ARHGAP15: variants seen among roughly 807,000 people sequenced by gnomAD.
ARHGAP15 encodes the protein Rho GTPase activating protein 15, also known as rho GTPase-activating protein 15.
In ARHGAP15, 51 loss-of-function variants were observed where a neutral mutation model predicts 63.7. That is an observed-to-expected ratio of 0.80 (90% confidence interval 0.64 to 1.01). The LOEUF is 1.01. ARHGAP15 is among the 50% of genes least tolerant of loss of function. ARHGAP15 has a pLI of 0.00. For missense variants in ARHGAP15, 560 were observed against 564.6 expected (o/e 0.99, Z 0.08); for synonymous variants, 191 against 193.8 (o/e 0.99, Z 0.12).
chr2:143,312,083 A>C (rs1683474102), intron 6 of ARHGAP15, among the ~76,000 whole-genome samples: 1 of 152,176 alleles, frequency 6.6e-6, no homozygotes, highest in South Asian at 2.1e-4. Flanking sequence ...TGGAGGAAAC[A>C]AAACTAAGCT....
At chr2:143,755,285 G>A (rs1229723969) in intron 13 of ARHGAP15, among the ~76,000 whole-genome samples, 5 of 143,912 alleles carry the variant, frequency 3.5e-5, no homozygotes, top group Admixed American at 3.5e-4. Flanking sequence ...GGGGGGGGGG[G>A]ATCTATACCA....
At chr2:143,556,931 G>A (rs1329140017) in intron 11 of ARHGAP15, among the ~76,000 whole-genome samples, 1 of 151,992 alleles carries the variant, frequency 6.6e-6, no homozygotes, top group East Asian at 1.9e-4. Context: ...CCATCAAAGA[G>A]TTGTAAATTA....
chr2:143,170,756 G>T (rs1169031580), intron 2 of ARHGAP15, among the ~76,000 whole-genome samples: 2 of 152,030 alleles, frequency 1.3e-5, no homozygotes, highest in Non-Finnish European at 2.9e-5. Flanking sequence ...TCCTTTGATT[G>T]ATTCTGTAAT....
intron 2 of ARHGAP15, among the ~76,000 whole-genome samples, chr2:143,170,164 A>G (rs1342941612): frequency 6.6e-6 from 1 of 152,068 alleles, no homozygotes; most frequent in East Asian, 1.9e-4. Context: ...CTCTTATTCA[A>G]CCTGTTCTTG....
chr2:143,133,906 G>C (rs1442939272), intron 1 of ARHGAP15, among the ~76,000 whole-genome samples: 1 of 151,854 alleles, frequency 6.6e-6, no homozygotes, highest in Non-Finnish European at 1.5e-5. Context: ...TCTCCACTTT[G>C]CTTTTTTTCT....
At chr2:143,635,001 GA>G (rs2105260948) in intron 12 of ARHGAP15, among the ~76,000 whole-genome samples, 1 of 151,994 alleles carries the variant, frequency 6.6e-6, no homozygotes, top group Admixed American at 6.6e-5. Flanking sequence ...TCTCAGTTGG[GA>G]AATTTGTAAC....
rs534110834 is a variant in ARHGAP15, at chr2:143,308,633, C to T, written c.474+58033C>T. On this transcript the variant is annotated intron_variant, in intron 6 of 13. Transcript: ENST00000295095. ...GCAAGAATATGATAGAACAAGCATC[C>T]CTGGTAACCTGTCATGAAATGCTGG... Among the ~76,000 whole-genome samples, 3 of 151,964 alleles carry T rather than the reference C, an allele frequency of 2.0e-5. No individual in the cohort carries two copies. The South Asian group carries it at 6.2e-4, about 32-fold the overall frequency.
chr2:143,567,024 C>T (rs1054274327), intron 11 of ARHGAP15, among the ~76,000 whole-genome samples: 8 of 151,924 alleles, frequency 5.3e-5, no homozygotes, highest in East Asian at 3.9e-4. Flanking sequence ...TACAGGTGCC[C>T]GCCACCACGC....
intron 11 of ARHGAP15, among the ~76,000 whole-genome samples, chr2:143,600,521 C>T (rs1697725673): frequency 6.6e-6 from 1 of 152,102 alleles, no homozygotes; most frequent in African/African-American, 2.4e-5. Flanking sequence ...AGAATGGAGC[C>T]AACATTTAAT....
intron 11 of ARHGAP15, among the ~76,000 whole-genome samples, chr2:143,587,518 T>A (rs1181666321): frequency 6.6e-6 from 1 of 152,216 alleles, no homozygotes; most frequent in African/African-American, 2.4e-5. Flanking sequence ...CCACTGTGTT[T>A]CGGTCTTACT....
chr2:143,216,907 A>G (rs1162719122), intron 4 of ARHGAP15, among the ~76,000 whole-genome samples: 1 of 152,234 alleles, frequency 6.6e-6, no homozygotes, highest in African/African-American at 2.4e-5. Flanking sequence ...AAATTTGAAA[A>G]GGGAATAAGA....
chr2:143,156,859 T>A (rs975467877), intron 2 of ARHGAP15, among the ~76,000 whole-genome samples: 9 of 151,982 alleles, frequency 5.9e-5, no homozygotes, highest in Non-Finnish European at 1.2e-4. Context: ...AGCCTGACTT[T>A]GCTTTTAAAC....
intron 5 of ARHGAP15, chr2:143,236,219 A>G (rs1693638674): frequency 5.6e-6 from 2 of 355,318 alleles, no homozygotes; most frequent in Non-Finnish European, 1.0e-5. Context: ...AGTACTCACA[A>G]TATGGTAAAA....
At chr2:143,514,931 G>T (rs534337006) in intron 9 of ARHGAP15, among the ~76,000 whole-genome samples, 1 of 152,258 alleles carries the variant, frequency 6.6e-6, no homozygotes, top group African/African-American at 2.4e-5. Flanking sequence ...TCATTCCAAA[G>T]AAGACATTTG....
chr2:143,441,604 TG>T (rs952140804), intron 8 of ARHGAP15, among the ~76,000 whole-genome samples: 1 of 152,210 alleles, frequency 6.6e-6, no homozygotes, highest in African/African-American at 2.4e-5. Flanking sequence ...AAATAACTTT[TG>T]TATGTAGGTT....
chr2:143,513,425 T>C (rs1345670268), intron 9 of ARHGAP15, among the ~76,000 whole-genome samples: 1 of 152,214 alleles, frequency 6.6e-6, no homozygotes, highest in East Asian at 1.9e-4. Context: ...TTCCAGGTCT[T>C]ATCTCCACTT....
intron 6 of ARHGAP15, among the ~76,000 whole-genome samples, chr2:143,410,805 G>A (rs1352657564): frequency 7.6e-6 from 1 of 131,214 alleles, no homozygotes; most frequent in Non-Finnish European, 1.6e-5. Context: ...ATCTGAAGGA[G>A]GTGAAGGTTT....
chr2:143,297,509 TA>T (rs757885601), intron 6 of ARHGAP15, among the ~76,000 whole-genome samples: 1 of 151,972 alleles, frequency 6.6e-6, no homozygotes, highest in Non-Finnish European at 1.5e-5. Flanking sequence ...TGTTCTCCTT[TA>T]CCCCCTTTGT....
chr2:143,426,556 C>G (rs1689145293), intron 6 of ARHGAP15, among the ~76,000 whole-genome samples: 1 of 152,124 alleles, frequency 6.6e-6, no homozygotes, highest in African/African-American at 2.4e-5. Context: ...CTGCTTTGCT[C>G]CTTTCAGCTC....
Sources: allele counts gnomAD v4.1 joint callset (sites outside exome capture counted in the v4.1 genomes callset), GRCh38; gene constraint gnomAD v4.1.1; transcripts MANE v1.5; gene names NCBI Gene and HGNC (gene_info 2026-07-23, HGNC 2026-07-21).